The following KCNK10 variants were observed in gnomAD, a reference collection of about 807,000 sequenced individuals.
KCNK10 encodes the protein potassium two pore domain channel subfamily K member 10, also known as potassium channel subfamily K member 10.
A neutral mutation model predicts 47.7 loss-of-function variants in KCNK10; 25 were observed. The observed-to-expected ratio is 0.52, with a 90% CI of 0.38 to 0.73. The LOEUF (loss-of-function observed/expected upper bound fraction) is 0.73. Ranked by LOEUF, KCNK10 falls within the 30% of genes least tolerant of loss-of-function variation. The pLI, the probability that KCNK10 is intolerant of heterozygous loss-of-function variation, is 0.00. For synonymous variants in KCNK10, 303 were observed against 285.6 expected (o/e 1.06, Z -0.61); for missense variants, 563 against 714.5 (o/e 0.79, Z 2.42).
chr14:88,192,805 G>A (rs548211541), intron 4 of KCNK10, among the ~76,000 whole-genome samples: 4 of 152,248 alleles, frequency 2.6e-5, no homozygotes, highest in South Asian at 2.1e-4. Flanking sequence ...TCCACCATTC[G>A]TGAGAATGAG....
chr14:88,256,441 G>A (rs72687887), intron 2 of KCNK10, among the ~76,000 whole-genome samples: 2,696 of 152,090 alleles, frequency 0.018, 41 homozygotes, highest in Middle Eastern at 0.048. Context: ...CAGTGGAGCC[G>A]GCCCTAGTGT....
intron 1 of KCNK10, among the ~76,000 whole-genome samples, chr14:88,269,274 C>G (rs1312861940): frequency 6.6e-6 from 1 of 152,224 alleles, no homozygotes; most frequent in Non-Finnish European, 1.5e-5. Context: ...TCAAGCCCCA[C>G]AGATATTACT....
chr14:88,222,706 T>C (rs1885856707), intron 4 of KCNK10, among the ~76,000 whole-genome samples: 1 of 152,212 alleles, frequency 6.6e-6, no homozygotes, highest in Admixed American at 6.5e-5. Context: ...AATATGCAAC[T>C]GCTCTAAAAA....
intron 5 of KCNK10, among the ~76,000 whole-genome samples, chr14:88,189,379 G>A (rs1013377175): frequency 5.9e-5 from 9 of 152,154 alleles, no homozygotes; most frequent in African/African-American, 4.8e-5. Context: ...TGTAGGATAC[G>A]ATCTGAGTTC....
intron 2 of KCNK10, among the ~76,000 whole-genome samples, chr14:88,246,087 T>G (rs973822570): frequency 3.3e-5 from 5 of 152,026 alleles, no homozygotes; most frequent in African/African-American, 1.2e-4. Context: ...AGTGAGCCTA[T>G]TTTTAGTAGA....
At chr14:88,276,214 T>A in intron 1 of KCNK10, among the ~76,000 whole-genome samples, 1 of 151,796 alleles carries the variant, frequency 6.6e-6, no homozygotes, top group Non-Finnish European at 1.5e-5. Flanking sequence ...GGTGATTAGA[T>A]GGTGAGGGCT....
At chr14:88,241,661 A>AC (rs2139891223) in intron 2 of KCNK10, among the ~76,000 whole-genome samples, 1 of 152,320 alleles carries the variant, frequency 6.6e-6, no homozygotes, top group Admixed American at 6.5e-5. Context: ...TCTGGGCAGG[A>AC]CACTCCATGA....
In KCNK10 at chr14:88,182,396, A is replaced by C. The variant is rs1335911873; in HGVS notation, c.*3139T>G. 6.6e-6 allele frequency: 1 copy of C among 152,334 alleles called. No individual in the cohort carries two copies. The highest frequency in any genetic ancestry group is 1.9e-4 in the East Asian group (1 of 5,334). The allele number at this position is 152,334 out of a possible 1,614,324, so 9.4% of individuals were successfully genotyped here. The stretch of plus-strand genomic sequence containing the variant: ...ATAGAATGTGTAGCAGCTTTGACCT[A>C]TCACGTGTATTCTACATGCCATTTG... On this transcript the variant is annotated 3_prime_UTR_variant, in exon 7 of 7. Transcript: ENST00000319231.
At chr14:88,265,611 C>T (rs957431269) in intron 1 of KCNK10, among the ~76,000 whole-genome samples, 1 of 152,228 alleles carries the variant, frequency 6.6e-6, no homozygotes, top group African/African-American at 2.4e-5. Context: ...GGAAATGAAT[C>T]TGCCCTCCAT....
intron 1 of KCNK10, among the ~76,000 whole-genome samples, chr14:88,319,599 G>C (rs1199097053): frequency 6.6e-6 from 1 of 152,182 alleles, no homozygotes; most frequent in Non-Finnish European, 1.5e-5. Flanking sequence ...GGAACAAGTA[G>C]GGTAAGCTTG....
chr14:88,261,534 C>A (rs1477978538), intron 2 of KCNK10, among the ~76,000 whole-genome samples: 2 of 152,154 alleles, frequency 1.3e-5, no homozygotes, highest in Non-Finnish European at 2.9e-5. Flanking sequence ...GGGTTGATTG[C>A]TTGAGCCTAG....
intron 1 of KCNK10, among the ~76,000 whole-genome samples, chr14:88,306,032 A>T (rs930917371): frequency 6.6e-6 from 1 of 152,168 alleles, no homozygotes; most frequent in African/African-American, 2.4e-5. Flanking sequence ...AGTCAAGAAA[A>T]AGGCAAAAAA....
chr14:88,298,491 G>A (rs563203015), intron 1 of KCNK10, among the ~76,000 whole-genome samples: 2 of 152,246 alleles, frequency 1.3e-5, no homozygotes, highest in South Asian at 4.1e-4. Context: ...CCACGCCTTA[G>A]AGATGCCCCA....
chr14:88,321,598 TAGA>T (rs1888548584), intron 1 of KCNK10, among the ~76,000 whole-genome samples: 1 of 152,038 alleles, frequency 6.6e-6, no homozygotes, highest in African/African-American at 2.4e-5. Flanking sequence ...AGAGACAAAA[TAGA>T]AGGTTTGGGC....
intron 1 of KCNK10, among the ~76,000 whole-genome samples, chr14:88,278,114 G>A (rs779062105): frequency 1.3e-5 from 2 of 152,220 alleles, no homozygotes; most frequent in Middle Eastern, 3.4e-3. Flanking sequence ...GAGAGCTGGC[G>A]GTATCTTCAC....
chr14:88,226,872 G>A (rs1305023709), intron 4 of KCNK10, among the ~76,000 whole-genome samples: 2 of 152,208 alleles, frequency 1.3e-5, no homozygotes, highest in African/African-American at 4.8e-5. Flanking sequence ...ACTCAGCAGT[G>A]AGAGATGGGA....
chr14:88,232,941 C>A (rs1428003591), intron 3 of KCNK10, among the ~76,000 whole-genome samples: 1 of 152,204 alleles, frequency 6.6e-6, no homozygotes, highest in African/African-American at 2.4e-5. Context: ...TAGGATGGCT[C>A]TGCCTAAGAC....
intron 1 of KCNK10, among the ~76,000 whole-genome samples, chr14:88,310,310 G>T (rs1888302307): frequency 6.6e-6 from 1 of 150,452 alleles, no homozygotes. Context: ...GCTAGGCTGT[G>T]ACTTCTCTGG....
chr14:88,249,422 G>A (rs1484377088), intron 2 of KCNK10, among the ~76,000 whole-genome samples: 1 of 152,164 alleles, frequency 6.6e-6, no homozygotes, highest in African/African-American at 2.4e-5. Context: ...AGGTAATCAC[G>A]ACTCACTGCA....
Sources: allele counts gnomAD v4.1 joint callset (sites outside exome capture counted in the v4.1 genomes callset), GRCh38; gene constraint gnomAD v4.1.1; transcripts MANE v1.5; gene names NCBI Gene and HGNC (gene_info 2026-07-23, HGNC 2026-07-21).